ADAMTS13: variants seen among roughly 807,000 people sequenced by gnomAD.
The protein encoded by ADAMTS13 is ADAM metallopeptidase with thrombospondin type 1 motif 13, also known as A disintegrin and metalloproteinase with thrombospondin motifs 13.
ADAMTS13 carries 110 observed loss-of-function variants against 155.1 expected under a neutral mutation model. That is an observed-to-expected ratio of 0.71 (90% CI 0.61 to 0.83). The LOEUF (loss-of-function observed/expected upper bound fraction) is 0.83, where lower values mean the gene tolerates loss of function less well. ADAMTS13 is among the 40% of genes least tolerant of loss of function. The pLI, the probability that ADAMTS13 is intolerant of heterozygous loss-of-function variation, is 0.00. For missense variants in ADAMTS13, 1,707 were observed against 1,891.7 expected (o/e 0.90, Z 1.81); for synonymous variants, 758 against 756.4 (o/e 1.00, Z -0.03).
rs968896048 is a variant in ADAMTS13 at position 133,440,668 on chromosome 9, G to C, written c.1968+143G>C. ...TTACAGGGGACCCACTATGTGTTGG[G>C]CCCTGTGCTAGGCAAAATGTAGCTA... On this transcript the variant is annotated intron_variant, in intron 16 of 28. Transcript: ENST00000355699. This position sits in a 1 kb window ranked among gnomAD's most constrained non-coding sequence, Gnocchi z 4.3. 34 of 1,060,354 alleles carry C rather than the reference G, an allele frequency of 3.2e-5. No individual in the cohort carries two copies. In the Admixed American group the frequency reaches 6.1e-4, roughly 19 times the overall value. The allele number at this position is 1,060,354 out of a possible 1,614,324, so 65.7% of individuals were successfully genotyped here.
chr9:133,446,379 T>G (rs782212205), intron 21 of ADAMTS13, among the ~76,000 whole-genome samples: 3 of 152,192 alleles, frequency 2.0e-5, no homozygotes, highest in Non-Finnish European at 2.9e-5. Flanking sequence ...CCATTCTCCT[T>G]TCTGTCTCCA....
intron 19 of ADAMTS13, among the ~76,000 whole-genome samples, 185 bp from the exon 20 acceptor site, chr9:133,444,678 G>A (rs1488407439): frequency 2.6e-5 from 4 of 152,182 alleles, no homozygotes; most frequent in African/African-American, 9.7e-5. Flanking sequence ...GGAACCTGCT[G>A]GCTGATGAAT....
At chr9:133,432,552 C>T (rs1185081485) in intron 8 of ADAMTS13, 36 bp from the exon 9 acceptor site, 4 of 1,532,962 alleles carry the variant, frequency 2.6e-6, no homozygotes, top group Non-Finnish European at 2.6e-6. Flanking sequence ...GCCCTGGTGG[C>T]CCCTGAGCTC....
rs980887226 is a variant in ADAMTS13 at position 133,424,496 on chromosome 9, G to A, written c.330+18G>A. On this transcript the variant is annotated intron_variant, in intron 3 of 28. Transcript: ENST00000355699. The surrounding 1 kb of genome is among the most constrained non-coding windows in gnomAD (Gnocchi z 4.3). ...TCAACATCGTGAGTGCCCCACGCTGGACTGTGCAGGTCCCCACGGCCAGGG... is the reference window on the plus strand; with the variant it reads ...TCAACATCGTGAGTGCCCCACGCTGAACTGTGCAGGTCCCCACGGCCAGGG... 3.1e-6 allele frequency: 5 copies of A among 1,607,176 alleles called. No individual in the cohort carries two copies. Among genetic ancestry groups the A allele is most frequent in the Non-Finnish European group, 4.2e-6 (5 of 1,177,006 alleles).
intron 11 of ADAMTS13, among the ~76,000 whole-genome samples, chr9:133,434,234 G>A (rs934309919): frequency 4.6e-5 from 7 of 152,148 alleles, no homozygotes; most frequent in Admixed American, 2.6e-4. Context: ...CCTCCAGAGC[G>A]CATCTCTGCA....
rs782395702 is a variant in ADAMTS13 at position 133,456,053 on chromosome 9, C to T, written c.3401-16C>T. 5 of 1,613,078 alleles carry T rather than the reference C, an allele frequency of 3.1e-6. No individual in the cohort carries two copies. The highest frequency in any genetic ancestry group is 3.3e-5 in the Admixed American group (2 of 60,016). On this transcript the variant is annotated splice_polypyrimidine_tract_variant and intron_variant, in intron 25 of 28. Transcript: ENST00000355699. The surrounding 1 kb of genome is among the most constrained non-coding windows in gnomAD (Gnocchi z 4.4). ...TCGGGGAAGCACTGCTTACCTGTCT[C>T]CTGCTCCCTTTTCAGGTGCCTGTGG... is the stretch of plus-strand genomic sequence containing the variant.
rs149886447 is a variant in ADAMTS13, at chr9:133,436,269, C to T, written c.1309-560C>T. On this transcript the variant is annotated intron_variant, in intron 11 of 28. Transcript: ENST00000355699. ...CAGTTCTGCATGTGGTGAGACCCTC[C>T]CTTTCCTCCTTCTCCAAATGGACCA... Among the ~76,000 whole-genome samples the T allele has an allele frequency of 2.6e-5, 4 of 151,872 alleles. No homozygotes were observed. In the East Asian group the frequency reaches 7.7e-4, roughly 29 times the overall value.
intron 19 of ADAMTS13, 104 bp from the exon 20 acceptor site, chr9:133,444,759 A>G (rs1841937562): frequency 1.6e-6 from 2 of 1,212,224 alleles, no homozygotes; most frequent in East Asian, 5.1e-5. Flanking sequence ...GGGCTCCTGG[A>G]TGTTGGGGAG....
Position 133,440,370 on chromosome 9 carries a change from G to T in ADAMTS13, c.1813G>T (p.Val605Leu), listed in dbSNP as rs781872245. ...GGTGAGGATCGGAGGGCGCTATGTC[G>T]TGGCTGGGAAGATGAGCATCTCCCC... ...LAVRIGGRYVVAGKMSISPNT... is the reference protein window; with the variant it reads ...LAVRIGGRYVLAGKMSISPNT... Residue 605 changes from valine to leucine, a missense_variant, in exon 16 of 29, where the codon GTG becomes TTG. This residue lies in a region of ADAMTS13 where 961 missense variants were observed against 1,107.9 expected (regional missense o/e 0.87). Coordinates refer to ENST00000355699, the MANE Select transcript of ADAMTS13 (RefSeq NM_139027.6). This position sits in a 1 kb window ranked among gnomAD's most constrained non-coding sequence, Gnocchi z 4.3. 6.2e-7 allele frequency: 1 copy of T among 1,614,020 alleles called. No homozygotes were observed. Among genetic ancestry groups the T allele is most frequent in the Non-Finnish European group, 8.5e-7 (1 of 1,180,048 alleles).
rs281875340 is a variant in ADAMTS13 at position 133,455,402 on chromosome 9, C to T, written c.3367C>T (p.Arg1123Cys). The T allele has an allele frequency of 4.3e-6, 7 of 1,612,504 alleles. No individual in the cohort carries two copies. The highest frequency in any genetic ancestry group is 1.3e-5 in the African/African-American group (1 of 74,922). ...CQHLPKPVTV[R>C]GCWAGPCVGQ... Reference sequence around the variant, plus strand: ...GCACTTGCCCAAGCCGGTGACTGTGCGTGGCTGCTGGGCTGGGCCCTGTGT... The same window carrying T: ...GCACTTGCCCAAGCCGGTGACTGTGTGTGGCTGCTGGGCTGGGCCCTGTGT... Residue 1123 changes from arginine to cysteine, a missense_variant, in exon 25 of 29, where the codon CGT becomes TGT. This residue lies in a region of ADAMTS13 where 961 missense variants were observed against 1,107.9 expected (regional missense o/e 0.87). Transcript: ENST00000355699.
rs1055682987 is a variant in ADAMTS13, at chr9:133,425,698, G to A, written c.414+86G>A. ...TCCATCCTCTTTAACCTCTTGTCCCGGATGCCCCAAGCAGCATGGATCACA... is the reference window on the plus strand; with the variant it reads ...TCCATCCTCTTTAACCTCTTGTCCCAGATGCCCCAAGCAGCATGGATCACA... On this transcript the variant is annotated intron_variant, in intron 4 of 28. Coordinates refer to ENST00000355699, the MANE Select transcript of ADAMTS13 (RefSeq NM_139027.6). The surrounding 1 kb of genome is among the most constrained non-coding windows in gnomAD (Gnocchi z 4.6). 70 of 1,484,240 alleles carry A rather than the reference G, an allele frequency of 4.7e-5. No individual in the cohort carries two copies. Among genetic ancestry groups the A allele is most frequent in the Admixed American group, 1.7e-4 (9 of 51,860 alleles). The allele number at this position is 1,484,240 out of a possible 1,614,324, so 91.9% of individuals were successfully genotyped here.
Position 133,449,877 on chromosome 9 carries a change from G to A in ADAMTS13, c.2956G>A (p.Gly986Ser). Residue 986 changes from glycine to serine, a missense_variant, in exon 23 of 29, where the codon GGT (glycine) becomes AGT (serine). Physicochemically the swap from Gly to Ser is moderately conservative, Grantham distance 56. Coordinates refer to ENST00000355699, the MANE Select transcript of ADAMTS13 (RefSeq NM_139027.6). ...TGCCCGGGCCCATGGGGAGGACGAT[G>A]GTGAGGAGATCCTGTTGGACACCCA... ...YCARAHGEDD[G>S]EEILLDTQCQ... The A allele has an allele frequency of 6.2e-7, 1 of 1,614,014 alleles. No homozygotes were observed. Among genetic ancestry groups the A allele is most frequent in the Non-Finnish European group, 8.5e-7 (1 of 1,180,024 alleles).
At chr9:133,432,726 G>C in intron 9 of ADAMTS13, 34 bp downstream of exon 9, 1 of 1,543,978 alleles carries the variant, frequency 6.5e-7, no homozygotes, top group Non-Finnish European at 8.7e-7. Flanking sequence ...GGGCTCCTGT[G>C]AGCACGTGCA....
chr9:133,443,295 G>T (rs1384919986), intron 18 of ADAMTS13, 81 bp from the exon 19 acceptor site: 1 of 1,505,000 alleles, frequency 6.6e-7, no homozygotes. Context: ...GACCGGGGGA[G>T]TACATCAGCA....
chr9:133,417,074 G>C (rs909173954), upstream of ADAMTS13, among the ~76,000 whole-genome samples: 1 of 152,208 alleles, frequency 6.6e-6, no homozygotes, highest in Admixed American at 6.5e-5. Flanking sequence ...GCAGTGGCGC[G>C]ATTTCGGCTT....
In ADAMTS13 at chr9:133,422,413, C is replaced by T. The variant is rs201526748; in HGVS notation, c.-31C>T. ...CAGTCACCAAGGCCCCCTCTCACTCCGCTCCACTCCTCGGGCTGGCTCTCC... is the reference window on the plus strand; with the variant it reads ...CAGTCACCAAGGCCCCCTCTCACTCTGCTCCACTCCTCGGGCTGGCTCTCC... On this transcript the variant is annotated 5_prime_UTR_variant, in exon 1 of 29. Transcript: ENST00000355699. The T allele has an allele frequency of 2.1e-5, 34 of 1,601,246 alleles. No individual in the cohort carries two copies. Among genetic ancestry groups the T allele is most frequent in the African/African-American group, 1.9e-4 (14 of 74,872 alleles).
chr9:133,454,336 T>G, intron 23 of ADAMTS13, 79 bp from the exon 24 acceptor site: 4 of 1,516,438 alleles, frequency 2.6e-6, no homozygotes, highest in Non-Finnish European at 3.6e-6. Context: ...CGAGTACACG[T>G]GGGTGGAGAG....
chr9:133,423,313 T>C (rs1840075038), intron 2 of ADAMTS13, 146 bp downstream of exon 2: 12 of 756,062 alleles, frequency 1.6e-5, no homozygotes, highest in African/African-American at 3.4e-5. Context: ...TAATTAACTC[T>C]GTTACTTCCT....
At chr9:133,439,495 C>T in intron 15 of ADAMTS13, 49 bp downstream of exon 15, 1 of 1,517,430 alleles carries the variant, frequency 6.6e-7, no homozygotes, top group South Asian at 1.1e-5. Flanking sequence ...TGCAAAGGTG[C>T]AGAGCACTGT....
Sources: allele counts gnomAD v4.1 joint callset (sites outside exome capture counted in the v4.1 genomes callset), GRCh38; gene constraint gnomAD v4.1.1; regional missense constraint gnomAD v4.1.1; non-coding constraint Gnocchi (gnomAD v3.1); transcripts MANE v1.5; gene names NCBI Gene and HGNC (gene_info 2026-07-23, HGNC 2026-07-21).